The following SPTBN4 variants were observed in gnomAD, a reference collection of about 807,000 sequenced individuals.
SPTBN4 encodes the protein spectrin beta chain, non-erythrocytic 4.
Under a neutral mutation model 277.8 loss-of-function variants are expected in SPTBN4, and 96 were observed. That is an observed-to-expected ratio of 0.35 (90% CI 0.29 to 0.41). The LOEUF (loss-of-function observed/expected upper bound fraction) is 0.41, where lower values mean the gene tolerates loss of function less well. Among genes scored for constraint, SPTBN4 ranks in the 10% least tolerant of loss-of-function variants. SPTBN4 has a pLI of 1.00. For synonymous variants in SPTBN4, 1,481 were observed against 1,580.3 expected (o/e 0.94, Z 1.49); for missense variants, 3,006 against 3,595.7 (o/e 0.84, Z 4.19).
At position 40,519,398 on chromosome 19, in the gene SPTBN4, C is replaced by T; in HGVS notation, c.2904-3C>T. On this transcript the variant is annotated splice_polypyrimidine_tract_variant and splice_region_variant and intron_variant, in intron 15 of 35. Transcript: ENST00000598249. The surrounding 1 kb of genome is among the most constrained non-coding windows in gnomAD (Gnocchi z 5.7). ...CTCAAGTCACTCTCTTTCCCCTGGGCAGGTGGAACCGCATCGTGGAGCTAG... is the reference window on the plus strand; with the variant it reads ...CTCAAGTCACTCTCTTTCCCCTGGGTAGGTGGAACCGCATCGTGGAGCTAG... 6.4e-7 allele frequency: 1 copy of T among 1,552,534 alleles called. No individual in the cohort carries two copies. Among genetic ancestry groups the T allele is most frequent in the Non-Finnish European group, 8.7e-7 (1 of 1,152,080 alleles).
rs1273793359 is a variant in SPTBN4, at chr19:40,513,517, C to T, written c.2728C>T (p.Pro910Ser). The T allele has an allele frequency of 1.3e-6, 2 of 1,594,360 alleles. No individual in the cohort carries two copies. Among genetic ancestry groups the T allele is most frequent in the South Asian group, 1.1e-5 (1 of 89,812 alleles). The change falls in exon 14 of 36, where the codon CCG becomes TCG. Residue 910 changes from proline to serine, a missense_variant. By Grantham distance (74) the Pro-to-Ser change is moderately conservative. This residue lies in a region of SPTBN4 where 1,759 missense variants were observed against 2,061.5 expected (regional missense o/e 0.85). Coordinates refer to ENST00000598249, the MANE Select transcript of SPTBN4 (RefSeq NM_020971.3). ...KEQWLLSMRV[P>S]DSLDDVEVVQ... ...GCAATGGCTGCTCTCCATGCGTGTG[C>T]CGGATTCACTCGACGACGTCGAGGT... is the stretch of plus-strand genomic sequence containing the variant.
chr19:40,574,423 G>A (rs1457462299), intron 35 of SPTBN4, among the ~76,000 whole-genome samples: 5 of 151,238 alleles, frequency 3.3e-5, no homozygotes, highest in Admixed American at 6.6e-5. Flanking sequence ...GTGCCATGGC[G>A]CAATCTCAGC....
intron 24 of SPTBN4, among the ~76,000 whole-genome samples, 157 bp from the exon 25 acceptor site, chr19:40,555,927 G>A (rs898593742): frequency 6.9e-6 from 1 of 145,442 alleles, no homozygotes; most frequent in African/African-American, 2.6e-5. Context: ...CAAAAAAAAA[G>A]AAAAAAGAAA....
rs62107872 is a variant in SPTBN4 at position 40,575,389 on chromosome 19, T to A, written c.7537-22T>A. 114,059 of 1,609,022 alleles carry A rather than the reference T, an allele frequency of 0.071. 4,614 individuals carry two copies. Among genetic ancestry groups the A allele is most frequent in the Non-Finnish European group, 0.084 (98,805 of 1,176,944 alleles). On this transcript the variant is annotated intron_variant, in intron 35 of 35. Transcript: ENST00000598249. Reference sequence around the variant, plus strand: ...GCTTCTCTCTTCCAAATACGGCCTCTGTGCCCTGTTTCTTCCCCCAGGAGG... The same window carrying A: ...GCTTCTCTCTTCCAAATACGGCCTCAGTGCCCTGTTTCTTCCCCCAGGAGG...
intron 20 of SPTBN4, among the ~76,000 whole-genome samples, chr19:40,540,733 G>A (rs2080790467): frequency 6.9e-6 from 1 of 144,358 alleles, no homozygotes; most frequent in Admixed American, 7.2e-5. Flanking sequence ...AGGATCACTT[G>A]AGCCCAGGAG....
Position 40,494,310 on chromosome 19 carries a change from CCCTCCTTT to C in SPTBN4, c.588-579_588-572del, listed in dbSNP as rs2080170525. 3.3e-5 allele frequency among the ~76,000 whole-genome samples: 5 copies of C among 151,168 alleles called. No homozygotes were observed. In the Admixed American group the frequency reaches 3.3e-4, roughly 10 times the overall value. ...CTTATCTCTTCTCTCCTCCCTCCTT[CCCTCCTTT>C]CCTCCTTCCCTTTTCTCTTCATGTC... is the stretch of plus-strand genomic sequence containing the variant. On this transcript the variant is annotated intron_variant, in intron 5 of 35. Coordinates refer to ENST00000598249, the MANE Select transcript of SPTBN4 (RefSeq NM_020971.3).
chr19:40,475,950 G>A (rs113505097), intron 2 of SPTBN4, among the ~76,000 whole-genome samples: 71 of 152,162 alleles, frequency 4.7e-4, no homozygotes, highest in African/African-American at 1.7e-3. Context: ...ACAGGCTGAG[G>A]TGGGAGAATC....
chr19:40,538,207 G>A (rs1599780266), intron 20 of SPTBN4, among the ~76,000 whole-genome samples: 1 of 149,478 alleles, frequency 6.7e-6, no homozygotes, highest in Admixed American at 6.6e-5. Context: ...TGGGCAACAT[G>A]GCAAAACCCC....
intron 4 of SPTBN4, among the ~76,000 whole-genome samples, chr19:40,491,806 T>G (rs2145830949): frequency 6.8e-6 from 1 of 146,300 alleles, no homozygotes; most frequent in African/African-American, 2.6e-5. Flanking sequence ...GTGGATCACC[T>G]GAGGTCAGGA....
chr19:40,549,271 C>T lies in SPTBN4; in HGVS notation c.4442C>T (p.Ala1481Val), dbSNP rs2080890415. The change falls in exon 21 of 36, where the codon GCG becomes GTG. Residue 1481 changes from alanine (A) to valine (V), a missense_variant. Ala to Val is a moderately conservative substitution (Grantham distance 64). Around this residue, in one of 5 missense-constraint regions of SPTBN4, gnomAD observed 1,759 missense variants for 2,061.5 expected, o/e 0.85. Transcript: ENST00000598249. ...AQTAALPLEPASKELVGERQN... is the reference protein window; with the variant it reads ...AQTAALPLEPVSKELVGERQN... The stretch of plus-strand genomic sequence containing the variant: ...ACGGCGGCGCTGCCGCTGGAGCCGG[C>T]GAGCAAGGAGCTGGTGGGTGAGCGG... 1 of 1,545,380 alleles carries T rather than the reference C, an allele frequency of 6.5e-7. No homozygotes were observed.
chr19:40,564,284 C>T (rs531981575), intron 27 of SPTBN4, among the ~76,000 whole-genome samples: 1 of 152,262 alleles, frequency 6.6e-6, no homozygotes, highest in South Asian at 2.1e-4. Context: ...TTGAACCTAC[C>T]TAGAAGGGGG....
intron 3 of SPTBN4, among the ~76,000 whole-genome samples, chr19:40,489,589 T>C (rs2080113427): frequency 6.6e-6 from 1 of 152,136 alleles, no homozygotes; most frequent in African/African-American, 2.4e-5. Context: ...TGTTTCGCCA[T>C]GTTGGTCAGG....
At position 40,502,926 on chromosome 19, in the gene SPTBN4, T is replaced by C. The variant is rs2080280277; in HGVS notation, c.1355T>C (p.Val452Ala). 3.1e-6 allele frequency: 5 copies of C among 1,613,520 alleles called. No individual in the cohort carries two copies. Among genetic ancestry groups the C allele is most frequent in the Non-Finnish European group, 4.2e-6 (5 of 1,179,926 alleles). ...TGGCTGAATGAGAACCAGCGTCTGG[T>C]CTCCCAGGTACAAGGTGTAGGGCTT... ...ESWLNENQRL[V>A]SQDNFGYELP... Residue 452 changes from valine to alanine, a missense_variant, in exon 11 of 36, where the codon GTC (valine) becomes GCC (alanine). By Grantham distance (64) the Val-to-Ala change is moderately conservative. Transcript: ENST00000598249. This position sits in a 1 kb window ranked among gnomAD's most constrained non-coding sequence, Gnocchi z 4.9.
intron 20 of SPTBN4, among the ~76,000 whole-genome samples, chr19:40,544,629 A>G (rs1250796003): frequency 6.6e-6 from 1 of 150,884 alleles, no homozygotes; most frequent in Non-Finnish European, 1.5e-5. Context: ...TTGTGTTTTT[A>G]GTAGAGATGG....
At chr19:40,475,044 C>G (rs1274160503) in intron 2 of SPTBN4, among the ~76,000 whole-genome samples, 1 of 152,094 alleles carries the variant, frequency 6.6e-6, no homozygotes, top group East Asian at 1.9e-4. Flanking sequence ...AGTCACCCTA[C>G]TTTGATGTAT....
chr19:40,554,227 C>A lies in SPTBN4; in HGVS notation c.4755C>A (p.Arg1585=). ...LERAGALASL[R]SPEAEAVRRG... ...GCGCGGGCGCGCTGGCGTCGCTGCG[C>A]AGCCCGGAGGCAGAGGCAGTGCGCC... Residue 1585 remains arginine, a synonymous_variant, in exon 23 of 36, where the codon CGC becomes CGA. Transcript: ENST00000598249. The surrounding 1 kb of genome is among the most constrained non-coding windows in gnomAD (Gnocchi z 5.7). The A allele has an allele frequency of 6.6e-7, 1 of 1,509,288 alleles. No individual in the cohort carries two copies. Among genetic ancestry groups the A allele is most frequent in the Non-Finnish European group, 8.8e-7 (1 of 1,138,124 alleles). 93.5% of individuals were successfully genotyped at this position (1,509,288 alleles called of 1,614,324 possible).
Position 40,560,793 on chromosome 19 carries a change from C to T in SPTBN4, c.5915+390C>T, listed in dbSNP as rs935969028. The T allele has an allele frequency of 6.0e-6, 7 of 1,162,158 alleles. No individual in the cohort carries two copies. Among genetic ancestry groups the T allele is most frequent in the Admixed American group, 8.4e-5 (2 of 23,702 alleles). 72.0% of individuals were successfully genotyped at this position (1,162,158 alleles called of 1,614,324 possible). On this transcript the variant is annotated intron_variant, in intron 27 of 35. Coordinates refer to ENST00000598249, the MANE Select transcript of SPTBN4 (RefSeq NM_020971.3). This position sits in a 1 kb window ranked among gnomAD's most constrained non-coding sequence, Gnocchi z 5.2. The stretch of plus-strand genomic sequence containing the variant: ...CATTAGTGGGCATGGGCTTATTGCT[C>T]ACATAGTGGTTGGATGTGAGTGTCC...
intron 27 of SPTBN4, among the ~76,000 whole-genome samples, chr19:40,562,020 A>G: frequency 6.6e-6 from 1 of 152,092 alleles, no homozygotes; most frequent in East Asian, 1.9e-4. Context: ...GCAAGGGCCC[A>G]GAAGTGGGCT....
At chr19:40,497,331 A>G in intron 6 of SPTBN4, 158 bp from the exon 7 acceptor site, 2 of 614,150 alleles carry the variant, frequency 3.3e-6, no homozygotes, top group South Asian at 3.8e-5. Flanking sequence ...CTCACATCAC[A>G]GCTAAATGCT....
Sources: gnomAD v4.1 joint callset for allele counts (sites outside exome capture counted in the v4.1 genomes callset) on GRCh38, gnomAD v4.1.1 for gene constraint, gnomAD v4.1.1 regional missense constraint, Gnocchi (gnomAD v3.1) non-coding constraint, MANE v1.5 for transcripts, NCBI Gene and HGNC (gene_info 2026-07-23, HGNC 2026-07-21) for gene names.